Variants in BRAF observed in about 807,000 individuals in gnomAD.
BRAF encodes B-Raf proto-oncogene, serine/threonine kinase, also known as serine/threonine-protein kinase B-raf.
A neutral mutation model predicts 104.6 loss-of-function variants in BRAF; 16 were observed. The observed-to-expected ratio is 0.15, with a 90% confidence interval of 0.10 to 0.23. The LOEUF (loss-of-function observed/expected upper bound fraction) is 0.23. Among genes scored for constraint, BRAF ranks in the 10% least tolerant of loss-of-function variants. The pLI, the probability that BRAF is intolerant of heterozygous loss-of-function variation, is 1.00. For synonymous variants in BRAF, 310 were observed against 341.6 expected (o/e 0.91, Z 1.02); for missense variants, 541 against 937.3 (o/e 0.58, Z 5.52).
At chr7:140,813,106 G>A (rs1312337670) in intron 3 of BRAF, among the ~76,000 whole-genome samples, 1 of 152,048 alleles carries the variant, frequency 6.6e-6, no homozygotes, top group Non-Finnish European at 1.5e-5. Context: ...TAAAAGTGAA[G>A]TAAAAAGACA....
At chr7:140,904,637 G>A (rs1816089075) in intron 1 of BRAF, among the ~76,000 whole-genome samples, 1 of 151,882 alleles carries the variant, frequency 6.6e-6, no homozygotes, top group Admixed American at 6.6e-5. Flanking sequence ...TTTTTAGAGG[G>A]AGTCTCGCTC....
At chr7:140,882,809 A>G (rs1586531075) in intron 1 of BRAF, among the ~76,000 whole-genome samples, 2 of 151,958 alleles carry the variant, frequency 1.3e-5, no homozygotes, top group African/African-American at 4.8e-5. Context: ...CCTGACCAAC[A>G]TGGAGAAGAA....
At chr7:140,734,807 G>GAAAAAAAAAAAAAAAAAAAAAAA in intron 18 of BRAF, 37 bp from the exon 18 acceptor site, 4 of 870,214 alleles carry the variant, frequency 4.6e-6, no homozygotes, top group Non-Finnish European at 6.0e-6. Flanking sequence ...GAAAAAAAAA[G>GAAAAAAAAAAAAAAAAAAAAAAA]AAAAAAGAAA....
rs763895273 is a variant in BRAF, at chr7:140,776,971, C to T, written c.1755G>A (p.Glu585=). 2 of 1,613,752 alleles carry T rather than the reference C, an allele frequency of 1.2e-6. No individual in the cohort carries two copies. Among genetic ancestry groups the T allele is most frequent in the Non-Finnish European group, 8.5e-7 (1 of 1,179,818 alleles). The change falls in exon 14 of 20, where the codon GAG becomes GAA. Residue 585 remains glutamate, a synonymous_variant. Coordinates refer to ENST00000644969, the MANE Select transcript of BRAF (RefSeq NM_001374258.1). ...TAAGTTTGATCATCTCAAATTTGGT[C>T]TCAATGATATGGAGATGGTGATACA... ...SSLYHHLHII[E]TKFEMIKLID...
chr7:140,899,166 C>CA (rs1406338857), intron 1 of BRAF, among the ~76,000 whole-genome samples: 1 of 152,120 alleles, frequency 6.6e-6, no homozygotes, highest in Non-Finnish European at 1.5e-5. Context: ...GGCTGACTCT[C>CA]AAAGTATGAT....
intron 3 of BRAF, among the ~76,000 whole-genome samples, chr7:140,828,054 C>A (rs1372738212): frequency 1.3e-5 from 2 of 152,036 alleles, no homozygotes; most frequent in African/African-American, 2.4e-5. Flanking sequence ...CGGCACCACA[C>A]CCGGCCAATT....
At position 140,721,616 on chromosome 7, in the gene BRAF, T is replaced by C; in HGVS notation, c.*4878A>G. ...TCTCCTCTGGCCAAGCTACAAATCA[T>C]CACCTGAGGCAGAGATGCTACTACC... is the stretch of plus-strand genomic sequence containing the variant. On this transcript the variant is annotated 3_prime_UTR_variant, in exon 20 of 20. Coordinates refer to ENST00000644969, the MANE Select transcript of BRAF (RefSeq NM_001374258.1). 1 of 1,535,532 alleles carries C rather than the reference T, an allele frequency of 6.5e-7. No individual in the cohort carries two copies. The highest frequency in any genetic ancestry group is 8.7e-7 in the Non-Finnish European group (1 of 1,146,566).
At chr7:140,894,173 T>C (rs1814604314) in intron 1 of BRAF, among the ~76,000 whole-genome samples, 1 of 151,486 alleles carries the variant, frequency 6.6e-6, no homozygotes, top group Admixed American at 6.6e-5. Context: ...GTTAGCAGGG[T>C]TCAAGAAAGA....
chr7:140,798,055 C>T (rs1802669060), intron 7 of BRAF, among the ~76,000 whole-genome samples: 1 of 152,074 alleles, frequency 6.6e-6, no homozygotes, highest in South Asian at 2.1e-4. Flanking sequence ...TTTTCTAACC[C>T]ATGAGATCAC....
At chr7:140,801,647 C>G (rs1224495731) in intron 5 of BRAF, 87 bp from the exon 6 acceptor site, 8 of 1,369,708 alleles carry the variant, frequency 5.8e-6, no homozygotes, top group Non-Finnish European at 8.1e-6. Context: ...TTTAAAATAA[C>G]AAAGTTGTAA....
intron 3 of BRAF, among the ~76,000 whole-genome samples, chr7:140,815,612 T>A (rs1463416276): frequency 1.3e-5 from 2 of 151,410 alleles, no homozygotes; most frequent in Non-Finnish European, 2.9e-5. Flanking sequence ...TTTTTTGTAT[T>A]GTTAGTAAAG....
rs376106701 is a variant in BRAF, at chr7:140,754,725, TTA to T, written c.1815-494_1815-493del. On this transcript the variant is annotated intron_variant, in intron 14 of 19. Transcript: ENST00000644969. Reference sequence around the variant, plus strand: ...TGAAAGTGCTCTTTCACTGCTCAACTTATGTAGTAATTATCATAATAATGGCT... The same window carrying T: ...TGAAAGTGCTCTTTCACTGCTCAACTTGTAGTAATTATCATAATAATGGCT... Among the ~76,000 whole-genome samples the T allele has an allele frequency of 2.2e-3, 330 of 152,334 alleles. 1 individual carries two copies. The highest frequency in any genetic ancestry group is 7.3e-3 in the African/African-American group (302 of 41,588).
At chr7:140,921,760 C>CTT (rs199862544) in intron 1 of BRAF, among the ~76,000 whole-genome samples, 1 of 148,530 alleles carries the variant, frequency 6.7e-6, no homozygotes, top group African/African-American at 2.5e-5. Context: ...TGAAATCAGA[C>CTT]TTTTTTTTTA....
intron 1 of BRAF, among the ~76,000 whole-genome samples, chr7:140,893,780 G>A (rs1814549386): frequency 6.6e-6 from 1 of 152,112 alleles, no homozygotes; most frequent in Non-Finnish European, 1.5e-5. Flanking sequence ...AGAAGTCTCT[G>A]ATATATCCCC....
Position 140,722,877 on chromosome 7 carries a change from T to C in BRAF, c.*3617A>G, listed in dbSNP as rs1010698661. On this transcript the variant is annotated 3_prime_UTR_variant, in exon 20 of 20. Coordinates refer to ENST00000644969, the MANE Select transcript of BRAF (RefSeq NM_001374258.1). ...ACCCCTAAACCGGTTCTGGCACCAC[T>C]TTCAACAACATTCAGATATTCCGAG... 6.6e-6 allele frequency: 7 copies of C among 1,055,076 alleles called. No homozygotes were observed. The African/African-American group carries it at 8.3e-5, about 12-fold the overall frequency. The allele number at this position is 1,055,076 out of a possible 1,614,324, so 65.4% of individuals were successfully genotyped here.
chr7:140,801,107 T>G (rs923360357), intron 6 of BRAF: 12 of 271,428 alleles, frequency 4.4e-5, no homozygotes, highest in Non-Finnish European at 8.3e-5. Context: ...ATGCTTAATT[T>G]AATTGAAACA....
intron 17 of BRAF, chr7:140,741,813 C>G (rs1341747957): frequency 6.6e-6 from 1 of 152,052 alleles, no homozygotes; most frequent in Non-Finnish European, 1.5e-5. Flanking sequence ...TAAAAATTAG[C>G]TGGGTGTGGC....
chr7:140,830,027 T>C (rs976579933), intron 3 of BRAF, among the ~76,000 whole-genome samples: 2 of 152,230 alleles, frequency 1.3e-5, no homozygotes, highest in African/African-American at 4.8e-5. Flanking sequence ...AAAATACTTA[T>C]TAACTCTAGC....
In BRAF at chr7:140,724,699, C is replaced by T. The variant is rs572780973; in HGVS notation, c.*1795G>A. 3.9e-6 allele frequency: 4 copies of T among 1,032,776 alleles called. No individual in the cohort carries two copies. In the South Asian group the frequency reaches 1.8e-4, roughly 48 times the overall value. The allele number at this position is 1,032,776 out of a possible 1,614,324, so 64.0% of individuals were successfully genotyped here. ...AGACAGCAGGGCCTGGAGTTACAAT[C>T]TGAAATTTTTAAATAACAATTTCTA... On this transcript the variant is annotated 3_prime_UTR_variant, in exon 20 of 20. Transcript: ENST00000644969.
Sources: gnomAD v4.1 joint callset for allele counts (sites outside exome capture counted in the v4.1 genomes callset) on GRCh38, gnomAD v4.1.1 for gene constraint, MANE v1.5 for transcripts, NCBI Gene and HGNC (gene_info 2026-07-23, HGNC 2026-07-21) for gene names.